The following NCOR1 variants were observed in gnomAD, a reference collection of about 807,000 sequenced individuals.
NCOR1 encodes nuclear receptor corepressor 1.
Under a neutral mutation model 288.1 loss-of-function variants are expected in NCOR1, and 63 were observed. The ratio of observed to expected loss-of-function variants is 0.22; its 90% CI spans 0.18 to 0.27. NCOR1 has a LOEUF of 0.27. Ranked by LOEUF, NCOR1 falls within the 10% of genes least tolerant of loss-of-function variation. NCOR1 has a pLI of 1.00. For synonymous variants in NCOR1, 1,007 were observed against 1,065.9 expected (o/e 0.94, Z 1.08); for missense variants, 2,397 against 3,019.2 (o/e 0.79, Z 4.83).
chr17:16,038,238 G>C (rs1365910661), intron 44 of NCOR1, among the ~76,000 whole-genome samples: 2 of 152,104 alleles, frequency 1.3e-5, no homozygotes, highest in African/African-American at 2.4e-5. Flanking sequence ...TTAAGAAAAA[G>C]GTTGTAAGAT....
chr17:16,137,978 T>C (rs2076660621), intron 13 of NCOR1, 180 bp downstream of exon 13: 2 of 526,254 alleles, frequency 3.8e-6, no homozygotes, highest in Admixed American at 3.7e-5. Flanking sequence ...CATTTAGTTC[T>C]GTGTTCTGTG....
intron 37 of NCOR1, among the ~76,000 whole-genome samples, chr17:16,059,049 C>CA (rs57820388): frequency 0.13 from 2,346 of 17,400 alleles, 494 homozygotes; most frequent in Non-Finnish European, 0.22. Flanking sequence ...AACTCCGTCT[C>CA]AAAAAAAAAA....
intron 40 of NCOR1, among the ~76,000 whole-genome samples, chr17:16,049,563 G>A (rs2059066880): frequency 6.6e-6 from 1 of 151,462 alleles, no homozygotes; most frequent in Non-Finnish European, 1.5e-5. Flanking sequence ...TAGACACACT[G>A]TTTAGCTCCC....
At chr17:16,096,708 C>G (rs2066688377) in intron 21 of NCOR1, among the ~76,000 whole-genome samples, 1 of 152,096 alleles carries the variant, frequency 6.6e-6, no homozygotes. Flanking sequence ...CTTTGGTTAT[C>G]TCAAAGAGTT....
At position 16,061,682 on chromosome 17, in the gene NCOR1, T is replaced by C; in HGVS notation, c.5600A>G (p.Glu1867Gly). 6.2e-7 allele frequency: 1 copy of C among 1,614,246 alleles called. No homozygotes were observed. ...CTTCTCCACCTCCAGGGTTTTCTGCTCTAGCTGCTGCTGTTCACTAACTGC... is the reference window on the plus strand; with the variant it reads ...CTTCTCCACCTCCAGGGTTTTCTGCCCTAGCTGCTGCTGTTCACTAACTGC... The part of the protein sequence containing the change: ...SAAVSEQQQL[E>G]QKTLEVEKRS... The change falls in exon 37 of 46, where the codon GAG (glutamate) becomes GGG (glycine). Residue 1867 changes from glutamate to glycine, a missense_variant. By Grantham distance (98) the Glu-to-Gly change is moderately conservative. Around this residue, in one of 11 missense-constraint regions of NCOR1, gnomAD observed 1,872 missense variants for 2,187.8 expected, o/e 0.86. Coordinates refer to ENST00000268712, the MANE Select transcript of NCOR1 (RefSeq NM_006311.4).
intron 35 of NCOR1, among the ~76,000 whole-genome samples, chr17:16,062,705 G>C (rs2060669682): frequency 6.6e-6 from 1 of 152,164 alleles, no homozygotes; most frequent in African/African-American, 2.4e-5. Context: ...TGCTACACTA[G>C]GGTTTGAGAC....
chr17:16,127,989 C>T (rs780839076), intron 14 of NCOR1, among the ~76,000 whole-genome samples: 3 of 151,870 alleles, frequency 2.0e-5, no homozygotes, highest in Non-Finnish European at 4.4e-5. Context: ...GTAGCTGGGG[C>T]TACAGGTCTC....
At chr17:16,059,569 T>C (rs1052350101) in intron 37 of NCOR1, among the ~76,000 whole-genome samples, 19 of 152,156 alleles carry the variant, frequency 1.2e-4, no homozygotes, top group Non-Finnish European at 2.9e-5. Flanking sequence ...GGCTATGCAG[T>C]GGGGCTAACA....
chr17:16,104,786 G>C (rs2068280303), intron 19 of NCOR1, among the ~76,000 whole-genome samples: 1 of 152,112 alleles, frequency 6.6e-6, no homozygotes, highest in South Asian at 2.1e-4. Context: ...AAAAACAAAA[G>C]AAGTGATATA....
At chr17:16,168,963 CAA>C (rs764946023) in intron 4 of NCOR1, among the ~76,000 whole-genome samples, 1,111 of 81,694 alleles carry the variant, frequency 0.014, 17 homozygotes, top group East Asian at 0.082. Context: ...GACTCCGTCT[CAA>C]AAAAAAAAAA....
At chr17:16,201,023 C>T (rs1369074758) in intron 1 of NCOR1, among the ~76,000 whole-genome samples, 1 of 152,146 alleles carries the variant, frequency 6.6e-6, no homozygotes, top group African/African-American at 2.4e-5. Flanking sequence ...TAAATTTTCT[C>T]TTGTAAAATA....
Position 16,086,392 on chromosome 17 carries a change from G to C in NCOR1, c.3067C>G (p.Arg1023Gly). ...QVITNLPEGV[R>G]LPTTRPTRPP... is the part of the protein sequence containing the mutation. ...CTGGTTGGTCGAGTTGTCGGAAGCC[G>C]AACGCCTTCAGGGAGATTAGTTATC... Residue 1023 changes from arginine (R) to glycine (G), a missense_variant, in exon 23 of 46, where the codon CGG becomes GGG. Arg to Gly is a moderately radical substitution (Grantham distance 125). Around this residue, in one of 11 missense-constraint regions of NCOR1, gnomAD observed 1,872 missense variants for 2,187.8 expected, o/e 0.86. Transcript: ENST00000268712. The C allele has an allele frequency of 6.2e-7, 1 of 1,614,064 alleles. No individual in the cohort carries two copies. Among genetic ancestry groups the C allele is most frequent in the Admixed American group, 1.7e-5 (1 of 59,998 alleles).
chr17:16,092,693 ATATTTTTTTTTT>A (rs2065595888), intron 21 of NCOR1, among the ~76,000 whole-genome samples: 2 of 12,774 alleles, frequency 1.6e-4, no homozygotes, highest in South Asian at 5.2e-3. Context: ...ATATATATAT[ATATTTTTTTTTT>A]TTTTTTTTTT....
rs76431340 is a variant in NCOR1 at position 16,052,830 on chromosome 17, A to G, written c.6393-3842T>C. Among the ~76,000 whole-genome samples the G allele has an allele frequency of 7.2e-3, 1,097 of 152,318 alleles. 14 individuals carry two copies. Among genetic ancestry groups the G allele is most frequent in the African/African-American group, 0.025 (1,057 of 41,558 alleles). On this transcript the variant is annotated intron_variant, in intron 40 of 45. Transcript: ENST00000268712. Reference sequence around the variant, plus strand: ...CTTCCGGCCAATATCCTTGATGAACATGAATGCAAAAATCCTCAACAAAAT... The same window carrying G: ...CTTCCGGCCAATATCCTTGATGAACGTGAATGCAAAAATCCTCAACAAAAT...
chr17:16,115,584 C>T (rs1270372922), intron 18 of NCOR1, among the ~76,000 whole-genome samples: 1 of 152,220 alleles, frequency 6.6e-6, no homozygotes, highest in East Asian at 1.9e-4. Flanking sequence ...TTATCTCTCT[C>T]AAGTTCAAAG....
At chr17:16,103,742 G>T (rs990308649) in intron 19 of NCOR1, among the ~76,000 whole-genome samples, 1 of 152,208 alleles carries the variant, frequency 6.6e-6, no homozygotes, top group African/African-American at 2.4e-5. Flanking sequence ...TGGGCTGGGC[G>T]CACTGGCTCA....
chr17:16,154,620 T>C (rs879362078), intron 6 of NCOR1, among the ~76,000 whole-genome samples: 5 of 152,142 alleles, frequency 3.3e-5, no homozygotes, highest in Non-Finnish European at 5.9e-5. Context: ...TGGTGGGATA[T>C]TACTAAGAAA....
In NCOR1 at chr17:16,036,351, T is replaced by C. The variant is rs904780896; in HGVS notation, c.6956-1407A>G. Among the ~76,000 whole-genome samples, 8 of 152,360 alleles carry C rather than the reference T, an allele frequency of 5.3e-5. No homozygotes were observed. The South Asian group carries it at 6.2e-4, about 12-fold the overall frequency. ...TGTCATCTAGGCTTTGTTCCATTTCTAGAGCACAGGCGAGTAGACCAAGCA... is the reference window on the plus strand; with the variant it reads ...TGTCATCTAGGCTTTGTTCCATTTCCAGAGCACAGGCGAGTAGACCAAGCA... On this transcript the variant is annotated intron_variant, in intron 44 of 45. Coordinates refer to ENST00000268712, the MANE Select transcript of NCOR1 (RefSeq NM_006311.4).
At chr17:16,070,663 C>A in intron 30 of NCOR1, 138 bp from the exon 31 acceptor site, 1 of 1,082,108 alleles carries the variant, frequency 9.2e-7, no homozygotes, top group Non-Finnish European at 1.3e-6. Context: ...CAATCACAAC[C>A]CCACTGATCC....
Sources: allele counts gnomAD v4.1 joint callset (sites outside exome capture counted in the v4.1 genomes callset), GRCh38; gene constraint gnomAD v4.1.1; regional missense constraint gnomAD v4.1.1; transcripts MANE v1.5; gene names NCBI Gene and HGNC (gene_info 2026-07-23, HGNC 2026-07-21).